Variants in NRG3 observed in about 807,000 individuals in gnomAD.
NRG3 encodes pro-neuregulin-3, membrane-bound isoform.
In NRG3, 31 loss-of-function variants were observed where a neutral mutation model predicts 66.9. The ratio of observed to expected loss-of-function variants is 0.46; its 90% CI spans 0.35 to 0.63. The LOEUF is 0.63. Among genes scored for constraint, NRG3 ranks in the 20% least tolerant of loss-of-function variants. NRG3 has a pLI of 0.00. For missense variants in NRG3, 910 were observed against 878.9 expected, an observed-to-expected ratio of 1.04 and a Z score of -0.45; for synonymous variants, 393 against 359.4, an observed-to-expected ratio of 1.09 and a Z score of -1.06.
In NRG3 at chr10:82,022,836, G is replaced by A. The variant is rs192528179; in HGVS notation, c.823+146673G>A. On this transcript the variant is annotated intron_variant, in intron 1 of 8. Transcript: ENST00000372141. ...GTAAAATTTTATTTTTATTTTTATA[G>A]TGAATACAGGTTGAAATGCTGAGAA... Among the ~76,000 whole-genome samples, 4 of 151,792 alleles carry A rather than the reference G, an allele frequency of 2.6e-5. 1 individual carries two copies. Among genetic ancestry groups the A allele is most frequent in the Admixed American group, 2.0e-4 (3 of 15,208 alleles).
chr10:82,626,712 C>A (rs947986658), intron 2 of NRG3, among the ~76,000 whole-genome samples: 2 of 152,106 alleles, frequency 1.3e-5, no homozygotes, highest in Non-Finnish European at 2.9e-5. Flanking sequence ...CACAGAATAA[C>A]TTTTAGGTCC....
At chr10:82,319,990 G>A (rs551906593) in intron 1 of NRG3, among the ~76,000 whole-genome samples, 1 of 152,204 alleles carries the variant, frequency 6.6e-6, no homozygotes, top group Non-Finnish European at 1.5e-5. Context: ...GCCTTTCAGA[G>A]TAAGGATGTG....
intron 1 of NRG3, among the ~76,000 whole-genome samples, chr10:82,058,714 G>A (rs994647765): frequency 6.6e-6 from 1 of 151,900 alleles, no homozygotes; most frequent in African/African-American, 2.4e-5. Flanking sequence ...AAGGAAACAT[G>A]GAAGGTCATT....
At chr10:82,029,281 T>G (rs2062458895) in intron 1 of NRG3, among the ~76,000 whole-genome samples, 2 of 152,168 alleles carry the variant, frequency 1.3e-5, no homozygotes, top group South Asian at 4.1e-4. Context: ...GTGGAGAAAT[T>G]TAGTTAACTT....
chr10:81,968,057 C>T (rs1021009677), intron 1 of NRG3, among the ~76,000 whole-genome samples: 7 of 152,136 alleles, frequency 4.6e-5, no homozygotes, highest in African/African-American at 1.7e-4. Flanking sequence ...TTTTATTTTC[C>T]TAGTAGTTTT....
intron 4 of NRG3, among the ~76,000 whole-genome samples, chr10:82,896,016 A>G (rs1394585787): frequency 6.6e-6 from 1 of 152,176 alleles, no homozygotes; most frequent in Non-Finnish European, 1.5e-5. Context: ...GTGGTCTATG[A>G]GTATTATCTT....
chr10:82,952,471 CTGTGTGTGTGTGTG>C (rs60100337), intron 5 of NRG3, among the ~76,000 whole-genome samples: 11,652 of 98,876 alleles, frequency 0.12, 831 homozygotes, highest in Middle Eastern at 0.22. Flanking sequence ...CTCTCTCTCT[CTGTGTGTGTGTGTG>C]TGTGTGTGTG....
At position 81,997,702 on chromosome 10, in the gene NRG3, T is replaced by G. The variant is rs867057426; in HGVS notation, c.823+121539T>G. Among the ~76,000 whole-genome samples, 19 of 152,212 alleles carry G rather than the reference T, an allele frequency of 1.2e-4. No homozygotes were observed. The South Asian group carries it at 3.5e-3, about 28-fold the overall frequency. ...GTCTGAGTCATGTGTAGCACAGTGC[T>G]TGGACCATAATCAATGTCAGATAAG... On this transcript the variant is annotated intron_variant, in intron 1 of 8. Coordinates refer to ENST00000372141, the MANE Select transcript of NRG3 (RefSeq NM_001010848.4).
chr10:82,123,774 C>A (rs920715576), intron 1 of NRG3, among the ~76,000 whole-genome samples: 1 of 152,070 alleles, frequency 6.6e-6, no homozygotes, highest in Non-Finnish European at 1.5e-5. Flanking sequence ...ACAGTGGAAT[C>A]GTCTGGAAAA....
chr10:82,577,324 G>A (rs188265413), intron 2 of NRG3, among the ~76,000 whole-genome samples: 50 of 151,756 alleles, frequency 3.3e-4, no homozygotes, highest in Admixed American at 2.6e-3. Context: ...AACAGAAGTC[G>A]TCAATATGTG....
intron 2 of NRG3, among the ~76,000 whole-genome samples, chr10:82,532,907 A>G (rs1018441414): frequency 2.1e-4 from 31 of 149,974 alleles, no homozygotes; most frequent in African/African-American, 6.1e-4. Context: ...AAGGGTTCCA[A>G]TTTCCAATTT....
At chr10:82,712,421 T>C (rs897251037) in intron 2 of NRG3, among the ~76,000 whole-genome samples, 1 of 152,180 alleles carries the variant, frequency 6.6e-6, no homozygotes, top group Admixed American at 6.5e-5. Context: ...AATAGTTACA[T>C]AGGGCTGTGA....
intron 1 of NRG3, among the ~76,000 whole-genome samples, chr10:81,961,696 C>T (rs892514063): frequency 1.3e-5 from 2 of 152,224 alleles, no homozygotes; most frequent in Non-Finnish European, 1.5e-5. Flanking sequence ...TCCATTTTGG[C>T]CAGCTGTTCT....
intron 1 of NRG3, among the ~76,000 whole-genome samples, chr10:82,324,785 T>C (rs914172927): frequency 6.6e-6 from 1 of 152,228 alleles, no homozygotes; most frequent in East Asian, 1.9e-4. Context: ...ATTGTATGAG[T>C]TGAATCATTT....
At chr10:82,489,779 T>G (rs931067545) in intron 2 of NRG3, among the ~76,000 whole-genome samples, 1 of 152,150 alleles carries the variant, frequency 6.6e-6, no homozygotes, top group Non-Finnish European at 1.5e-5. Context: ...TATCAAAATC[T>G]ATTGAAAAAA....
intron 5 of NRG3, among the ~76,000 whole-genome samples, chr10:82,952,469 CTCTGTGTGTG>C (rs1189491650): frequency 7.1e-4 from 25 of 35,410 alleles, no homozygotes; most frequent in African/African-American, 2.4e-3. Flanking sequence ...CTCTCTCTCT[CTCTGTGTGTG>C]TGTGTGTGTG....
At chr10:82,789,635 G>A (rs1467177038) in intron 3 of NRG3, among the ~76,000 whole-genome samples, 1 of 151,920 alleles carries the variant, frequency 6.6e-6, no homozygotes, top group African/African-American at 2.4e-5. Flanking sequence ...AGTCCATTCT[G>A]CTAATATCTG....
intron 3 of NRG3, among the ~76,000 whole-genome samples, chr10:82,836,662 T>G (rs1019094584): frequency 6.6e-6 from 1 of 152,066 alleles, no homozygotes; most frequent in Non-Finnish European, 1.5e-5. Context: ...TGAGAGGATA[T>G]GTGTAGGTTA....
chr10:82,747,450 T>A (rs2134883233), intron 3 of NRG3, among the ~76,000 whole-genome samples: 1 of 152,186 alleles, frequency 6.6e-6, no homozygotes, highest in East Asian at 1.9e-4. Flanking sequence ...ATTATATCTG[T>A]TTACATTTCC....
Sources: gnomAD v4.1 joint callset for allele counts (sites outside exome capture counted in the v4.1 genomes callset) on GRCh38, gnomAD v4.1.1 for gene constraint, MANE v1.5 for transcripts, NCBI Gene and HGNC (gene_info 2026-07-23, HGNC 2026-07-21) for gene names.